The following RBX1 variants were observed in gnomAD, a reference collection of about 807,000 sequenced individuals.
RBX1 encodes ring-box 1, also known as E3 ubiquitin-protein ligase RBX1.
For synonymous variants in RBX1, 48 were observed against 47.9 expected (o/e 1.00, Z -0.01); for missense variants, 46 against 141.4 (o/e 0.33, Z 3.42).
chr22:40,960,113 A>T (rs1478975683), intron 2 of RBX1, among the ~76,000 whole-genome samples: 1 of 148,446 alleles, frequency 6.7e-6, no homozygotes. Context: ...GAGACTGTCT[A>T]AAAAAAAAAG....
At chr22:40,959,204 C>G (rs1396616475) in intron 2 of RBX1, among the ~76,000 whole-genome samples, 1 of 152,134 alleles carries the variant, frequency 6.6e-6, no homozygotes, top group Non-Finnish European at 1.5e-5. Flanking sequence ...GCGTTTTTAT[C>G]AAAGCTTAAA....
chr22:40,969,576 C>G (rs1203686908), intron 4 of RBX1, among the ~76,000 whole-genome samples: 2 of 151,938 alleles, frequency 1.3e-5, no homozygotes, highest in Non-Finnish European at 2.9e-5. Context: ...TGTTGAAACC[C>G]CATCTCTACC....
chr22:40,962,302 G>A (rs1179657092), intron 2 of RBX1, among the ~76,000 whole-genome samples: 2 of 151,690 alleles, frequency 1.3e-5, no homozygotes, highest in African/African-American at 4.8e-5. Flanking sequence ...GGGTTTTGCC[G>A]TGTTGGTCAG....
intron 1 of RBX1, 131 bp downstream of exon 1, chr22:40,951,607 G>C (rs943091674): frequency 1.2e-6 from 1 of 805,104 alleles, no homozygotes; most frequent in Non-Finnish European, 1.9e-6. Context: ...TACCACGAAA[G>C]GAAGCCGGGG....
intron 2 of RBX1, among the ~76,000 whole-genome samples, chr22:40,956,778 G>A (rs2058326663): frequency 6.6e-6 from 1 of 150,588 alleles, no homozygotes; most frequent in African/African-American, 2.4e-5. Flanking sequence ...GCTTACACCT[G>A]TAATCCCAGC....
At chr22:40,958,438 TAATA>T (rs1179864178) in intron 2 of RBX1, among the ~76,000 whole-genome samples, 1 of 152,226 alleles carries the variant, frequency 6.6e-6, no homozygotes, top group Non-Finnish European at 1.5e-5. Context: ...GGTTGTATTT[TAATA>T]AATCTTGTCT....
rs1319555086 is a variant in RBX1, at chr22:40,972,563, A to G, written c.*75A>G. 1.3e-5 allele frequency: 16 copies of G among 1,205,244 alleles called. No homozygotes were observed. Among genetic ancestry groups the G allele is most frequent in the Admixed American group, 3.6e-5 (2 of 56,146 alleles). 74.7% of individuals were successfully genotyped at this position (1,205,244 alleles called of 1,614,324 possible). A position where few individuals can be genotyped will look rare whatever the true frequency, so the allele number is the denominator to read the frequency against. On this transcript the variant is annotated 3_prime_UTR_variant, in exon 5 of 5. Transcript: ENST00000216225. ...CTTTCCCTGCTGTTACCTAATTACA[A>G]ATTGGATGGAACTGTGTTTTTTTCT...
chr22:40,958,386 A>G (rs1446487713), intron 2 of RBX1, among the ~76,000 whole-genome samples: 1 of 152,198 alleles, frequency 6.6e-6, no homozygotes, highest in Non-Finnish European at 1.5e-5. Context: ...TTATAAAGAC[A>G]ATTTTTGTTA....
chr22:40,968,036 C>T, intron 4 of RBX1, 152 bp downstream of exon 4: 1 of 494,542 alleles, frequency 2.0e-6, no homozygotes. Flanking sequence ...ATGGAAAATG[C>T]ACAAAGGATT....
intron 2 of RBX1, among the ~76,000 whole-genome samples, chr22:40,963,672 A>G (rs1222802726): frequency 6.6e-6 from 1 of 152,024 alleles, no homozygotes; most frequent in African/African-American, 2.4e-5. Context: ...AACATGGTGA[A>G]ACTCCATCTC....
intron 4 of RBX1, among the ~76,000 whole-genome samples, chr22:40,972,104 C>G (rs572887484): frequency 1.3e-5 from 2 of 152,108 alleles, no homozygotes; most frequent in African/African-American, 2.4e-5. Flanking sequence ...CAGGGCAGCC[C>G]GAAAGTTCAA....
chr22:40,967,583 C>A, intron 3 of RBX1: 1 of 467,312 alleles, frequency 2.1e-6, no homozygotes, highest in Non-Finnish European at 3.9e-6. Context: ...GAATGATTTC[C>A]TTTAGTAGTA....
At chr22:40,958,316 A>G (rs1480877016) in intron 2 of RBX1, among the ~76,000 whole-genome samples, 1 of 152,138 alleles carries the variant, frequency 6.6e-6, no homozygotes, top group Non-Finnish European at 1.5e-5. Flanking sequence ...TTAAAAAAAA[A>G]AAAAGGATTT....
rs1486930588 is a variant in RBX1, at chr22:40,972,590, CTTTGTTTTTTCAGT to C, written c.*105_*118del. 1 of 999,810 alleles carries C rather than the reference CTTTGTTTTTTCAGT, an allele frequency of 1.0e-6. No homozygotes were observed. The highest frequency in any genetic ancestry group is 2.5e-4 in the Middle Eastern group (1 of 4,080). The allele number at this position is 999,810 out of a possible 1,614,324, so 61.9% of individuals were successfully genotyped here. ...TTGGATGGAACTGTGTTTTTTTCTG[CTTTGTTTTTTCAGT>C]TTGCTGTTTCTGTAGCCATATTGTA... On this transcript the variant is annotated 3_prime_UTR_variant, in exon 5 of 5. Transcript: ENST00000216225.
chr22:40,972,763 C>T lies in RBX1; in HGVS notation c.*275C>T. ...AGCTTTTGAAAGTGAAATGTTTGTTCATCGGGGCCAGAGCAGGGTTGTCCT... is the reference window on the plus strand; with the variant it reads ...AGCTTTTGAAAGTGAAATGTTTGTTTATCGGGGCCAGAGCAGGGTTGTCCT... On this transcript the variant is annotated 3_prime_UTR_variant, in exon 5 of 5. Coordinates refer to ENST00000216225, the MANE Select transcript of RBX1 (RefSeq NM_014248.4). 1 of 400,274 alleles carries T rather than the reference C, an allele frequency of 2.5e-6. No individual in the cohort carries two copies. The highest frequency in any genetic ancestry group is 2.7e-5 in the South Asian group (1 of 36,592). The allele number at this position is 400,274 out of a possible 1,614,324, so 24.8% of individuals were successfully genotyped here. A position where few individuals can be genotyped will look rare whatever the true frequency, so the allele number is the denominator to read the frequency against.
chr22:40,956,028 ATAGT>A (rs1335651966), intron 2 of RBX1, among the ~76,000 whole-genome samples: 1 of 152,144 alleles, frequency 6.6e-6, no homozygotes, highest in African/African-American at 2.4e-5. Flanking sequence ...TGTTTTGAAA[ATAGT>A]TAATGATTTT....
chr22:40,962,470 A>G (rs1006249329), intron 2 of RBX1, among the ~76,000 whole-genome samples: 25 of 145,114 alleles, frequency 1.7e-4, no homozygotes, highest in Admixed American at 2.1e-4. Context: ...ATTAACATCT[A>G]GTTTTGTTTT....
chr22:40,968,721 C>T (rs1045062392), intron 4 of RBX1, among the ~76,000 whole-genome samples: 1 of 152,154 alleles, frequency 6.6e-6, no homozygotes, highest in Non-Finnish European at 1.5e-5. Flanking sequence ...CTGGAGCTAG[C>T]CATCAGCAAC....
At chr22:40,964,421 T>G (rs1359375509) in intron 3 of RBX1, 2 of 264,912 alleles carry the variant, frequency 7.5e-6, no homozygotes, top group African/African-American at 4.5e-5. Context: ...TTTGGAATAT[T>G]CTCGTGGTAG....
Sources: gnomAD v4.1 joint callset for allele counts (sites outside exome capture counted in the v4.1 genomes callset) on GRCh38, gnomAD v4.1.1 for gene constraint, MANE v1.5 for transcripts, NCBI Gene and HGNC (gene_info 2026-07-23, HGNC 2026-07-21) for gene names.